DCAF6: variants seen among roughly 807,000 people sequenced by gnomAD.
DCAF6 encodes the protein DDB1- and CUL4-associated factor 6.
Under a neutral mutation model 125.1 loss-of-function variants are expected in DCAF6, and 54 were observed. The observed-to-expected ratio is 0.43, with a 90% CI of 0.35 to 0.54. DCAF6 has a LOEUF of 0.54. DCAF6 is among the 20% of genes least tolerant of loss of function. The pLI, the probability that DCAF6 is intolerant of heterozygous loss-of-function variation, is 0.01. For missense variants in DCAF6, 934 were observed against 1,161.7 expected, an observed-to-expected ratio of 0.80 and a Z score of 2.85; for synonymous variants, 371 against 390.4, an observed-to-expected ratio of 0.95 and a Z score of 0.58.
chr1:167,901,664 A>C, the DCAF6 span: 2 of 1,613,924 alleles, frequency 1.2e-6, no homozygotes, highest in Non-Finnish European at 8.5e-7. Context: ...ATGCTTACCT[A>C]TCTTGACTCG....
chr1:168,066,448 C>T lies in DCAF6; in HGVS notation c.2668C>T (p.Arg890Ter). Residue 890 changes from arginine to a stop codon, truncating the protein, a stop_gained, in exon 20 of 22, where the codon CGA (arginine) becomes TGA (stop). Coordinates refer to ENST00000367840, the MANE Select transcript of DCAF6 (RefSeq NM_001198956.2). LOFTEE classifies it high-confidence loss of function. ...ATTAGAAGAGTCAAGGATTTTTAACCGAAAACTTGCTGATGAAGTAAGATT... is the reference window on the plus strand; with the variant it reads ...ATTAGAAGAGTCAAGGATTTTTAACTGAAAACTTGCTGATGAAGTAAGATT... ...SPLEESRIFNRKLADEVITRN... is the reference protein window; with the variant it reads ...SPLEESRIFN 1.9e-6 allele frequency: 3 copies of T among 1,605,026 alleles called. No homozygotes were observed. Among genetic ancestry groups the T allele is most frequent in the South Asian group, 1.1e-5 (1 of 90,188 alleles).
At chr1:167,936,155 T>G, upstream of DCAF6, 1 of 321,792 alleles carries the variant, frequency 3.1e-6, no homozygotes, top group Non-Finnish European at 5.9e-6. Context: ...TGCGCCCTGC[T>G]GGCAGCGCGC....
chr1:168,044,860 C>A, intron 15 of DCAF6, 40 bp from the exon 16 acceptor site: 1 of 1,589,786 alleles, frequency 6.3e-7, no homozygotes. Flanking sequence ...TAGTATTGCC[C>A]ACATTACCAC....
At chr1:168,062,337 G>A (rs1000667603) in intron 17 of DCAF6, among the ~76,000 whole-genome samples, 4 of 152,016 alleles carry the variant, frequency 2.6e-5, no homozygotes, top group African/African-American at 9.7e-5. Flanking sequence ...GGCCTGTTTT[G>A]TTTGCAAAAA....
the DCAF6 span, among the ~76,000 whole-genome samples, chr1:167,898,216 G>C: frequency 1.3e-5 from 2 of 151,490 alleles, no homozygotes; most frequent in Non-Finnish European, 2.9e-5. Context: ...AGGTAGGTGA[G>C]GGATATATGG....
At chr1:167,876,835 G>A in the DCAF6 span, among the ~76,000 whole-genome samples, 4 of 152,180 alleles carry the variant, frequency 2.6e-5, no homozygotes, top group Non-Finnish European at 4.4e-5. Flanking sequence ...ATAAGACATA[G>A]GAAGAGGCTT....
the DCAF6 span, among the ~76,000 whole-genome samples, chr1:167,895,173 T>A: frequency 7.3e-6 from 1 of 137,180 alleles, no homozygotes; most frequent in Non-Finnish European, 1.5e-5. Context: ...AGAGTGAGAC[T>A]CCATCTCAAA....
the DCAF6 span, among the ~76,000 whole-genome samples, chr1:167,906,887 G>A: frequency 2.0e-5 from 3 of 152,096 alleles, no homozygotes; most frequent in Non-Finnish European, 4.4e-5. Context: ...AAACCTAGAG[G>A]GATTTTTAAA....
intron 3 of DCAF6, among the ~76,000 whole-genome samples, chr1:167,973,252 T>C (rs1344070731): frequency 1.3e-5 from 2 of 152,236 alleles, no homozygotes; most frequent in Non-Finnish European, 2.9e-5. Context: ...TCTTCATGAG[T>C]AGATTCAGAT....
intron 2 of DCAF6, among the ~76,000 whole-genome samples, chr1:167,954,791 G>A (rs1024669067): frequency 2.0e-5 from 3 of 152,152 alleles, no homozygotes; most frequent in African/African-American, 7.2e-5. Flanking sequence ...GATATGATCA[G>A]CTGTACATAT....
chr1:167,898,606 T>A, the DCAF6 span, among the ~76,000 whole-genome samples: 14 of 151,124 alleles, frequency 9.3e-5, no homozygotes, highest in African/African-American at 3.4e-4. Context: ...TTTTTTTTTT[T>A]TAAAAAAAGA....
chr1:168,055,295 A>G (rs943786657), intron 17 of DCAF6, among the ~76,000 whole-genome samples: 7 of 106,590 alleles, frequency 6.6e-5, no homozygotes, highest in African/African-American at 2.4e-4. Flanking sequence ...AAGAACCTAG[A>G]TCTTCAATCT....
intron 14 of DCAF6, 47 bp downstream of exon 14, chr1:168,043,187 T>A: frequency 7.3e-7 from 1 of 1,367,982 alleles, no homozygotes; most frequent in Non-Finnish European, 1.0e-6. Context: ...CAGCATTGGA[T>A]GTTTATCTAC....
intron 1 of DCAF6, among the ~76,000 whole-genome samples, chr1:167,939,656 G>A (rs1317354837): frequency 6.6e-6 from 1 of 152,112 alleles, no homozygotes; most frequent in Admixed American, 6.5e-5. Context: ...TCAGCTCCTT[G>A]GGAGGCTGAG....
intron 7 of DCAF6, among the ~76,000 whole-genome samples, chr1:167,994,242 G>A (rs1368409292): frequency 6.6e-6 from 1 of 151,994 alleles, no homozygotes; most frequent in Non-Finnish European, 1.5e-5. Context: ...TTTTTAAGGA[G>A]AATATACTTG....
intron 12 of DCAF6, among the ~76,000 whole-genome samples, chr1:168,024,220 T>TAAA (rs374506657): frequency 1.4e-4 from 17 of 124,718 alleles, no homozygotes; most frequent in Middle Eastern, 4.0e-3. Flanking sequence ...CCCATCTCTT[T>TAAA]AAAAAAAAAA....
chr1:167,925,750 T>C, the DCAF6 span, among the ~76,000 whole-genome samples: 1 of 151,982 alleles, frequency 6.6e-6, no homozygotes, highest in East Asian at 1.9e-4. Context: ...GGTTTCACCA[T>C]GTTGGCCAGG....
At chr1:167,892,119 C>T in the DCAF6 span, among the ~76,000 whole-genome samples, 6 of 151,964 alleles carry the variant, frequency 3.9e-5, no homozygotes, top group African/African-American at 9.7e-5. Flanking sequence ...GCTACAGGCA[C>T]GTGCCACCAC....
chr1:168,004,619 G>A lies in DCAF6; in HGVS notation c.1204G>A (p.Asp402Asn). Residue 402 changes from aspartate to asparagine, a missense_variant, in exon 10 of 22, where the codon GAT (aspartate) becomes AAT (asparagine). Physicochemically the swap from Asp to Asn is conservative, Grantham distance 23. This residue lies in a region of DCAF6 where 559 missense variants were observed against 635.5 expected (regional missense o/e 0.88). Coordinates refer to ENST00000367840, the MANE Select transcript of DCAF6 (RefSeq NM_001198956.2). Reference protein sequence around the residue: ...LEVSETAMEVDTPAEQFLQPS... With the variant: ...LEVSETAMEVNTPAEQFLQPS... Reference sequence around the variant, plus strand: ...AGTGAGTGAAACTGCAATGGAAGTAGATACTCCAGCTGAACAATTTCTTCA... The same window carrying A: ...AGTGAGTGAAACTGCAATGGAAGTAAATACTCCAGCTGAACAATTTCTTCA... The A allele has an allele frequency of 6.2e-7, 1 of 1,613,084 alleles. No homozygotes were observed. Among genetic ancestry groups the A allele is most frequent in the Non-Finnish European group, 8.5e-7 (1 of 1,179,500 alleles).
Sources: gnomAD v4.1 joint callset for allele counts (sites outside exome capture counted in the v4.1 genomes callset) on GRCh38, gnomAD v4.1.1 for gene constraint, gnomAD v4.1.1 regional missense constraint, MANE v1.5 for transcripts, NCBI Gene and HGNC (gene_info 2026-07-23, HGNC 2026-07-21) for gene names.